Variants in LRRK1 observed in about 807,000 individuals in gnomAD.
LRRK1 encodes leucine-rich repeat serine/threonine-protein kinase 1.
In LRRK1, 113 loss-of-function variants were observed where a neutral mutation model predicts 209.1. The observed-to-expected ratio is 0.54, with a 90% CI of 0.46 to 0.63. The LOEUF (loss-of-function observed/expected upper bound fraction) is 0.63. Ranked by LOEUF, LRRK1 falls within the 30% of genes least tolerant of loss-of-function variation. The pLI, the probability that LRRK1 is intolerant of heterozygous loss-of-function variation, is 0.00. For missense variants in LRRK1, 2,284 were observed against 2,632.2 expected (o/e 0.87, Z 2.89); for synonymous variants, 1,144 against 1,099.7 (o/e 1.04, Z -0.80).
intron 12 of LRRK1, among the ~76,000 whole-genome samples, chr15:101,016,639 G>A (rs2033551585): frequency 6.6e-6 from 1 of 152,254 alleles, no homozygotes; most frequent in Non-Finnish European, 1.5e-5. Context: ...GGGGGACACA[G>A]TTCAATCCAT....
intron 24 of LRRK1, among the ~76,000 whole-genome samples, chr15:101,052,189 T>C (rs2035496913): frequency 6.6e-6 from 1 of 152,098 alleles, no homozygotes; most frequent in Admixed American, 6.5e-5. Context: ...CTGGGAAGAG[T>C]GCTTTGCAAG....
intron 2 of LRRK1, among the ~76,000 whole-genome samples, chr15:100,943,563 T>A (rs759435557): frequency 6.6e-6 from 1 of 152,020 alleles, no homozygotes; most frequent in Non-Finnish European, 1.5e-5. Context: ...AGATAAACTA[T>A]CAGAAACTTA....
intron 6 of LRRK1, among the ~76,000 whole-genome samples, chr15:100,999,490 G>C (rs577719368): frequency 6.6e-6 from 1 of 152,300 alleles, no homozygotes; most frequent in East Asian, 1.9e-4. Flanking sequence ...TCTGAGTTTA[G>C]TTGTAGCTGA....
At chr15:100,973,642 G>A (rs1167988445) in intron 2 of LRRK1, among the ~76,000 whole-genome samples, 162 bp from the exon 3 acceptor site, 1 of 152,180 alleles carries the variant, frequency 6.6e-6, no homozygotes, top group Non-Finnish European at 1.5e-5. Flanking sequence ...GGGTCGCGGG[G>A]CGGCGAGCGC....
At chr15:101,047,659 C>T (rs888082329) in intron 21 of LRRK1, among the ~76,000 whole-genome samples, 1 of 152,208 alleles carries the variant, frequency 6.6e-6, no homozygotes, top group Non-Finnish European at 1.5e-5. Context: ...TCATCCATCA[C>T]ATTAGCAAAA....
intron 26 of LRRK1, among the ~76,000 whole-genome samples, chr15:101,054,136 C>A (rs2035650612): frequency 6.6e-6 from 1 of 152,170 alleles, no homozygotes; most frequent in Non-Finnish European, 1.5e-5. Flanking sequence ...CCACACCCAG[C>A]TAATTTGTTG....
chr15:101,018,134 T>A (rs1335062978), intron 12 of LRRK1, among the ~76,000 whole-genome samples: 2 of 146,552 alleles, frequency 1.4e-5, no homozygotes, highest in African/African-American at 2.5e-5. Flanking sequence ...GCAACACAAA[T>A]TGGCTTAAGT....
chr15:100,926,502 A>C (rs913934679), intron 2 of LRRK1, among the ~76,000 whole-genome samples: 2 of 137,980 alleles, frequency 1.4e-5, no homozygotes, highest in Non-Finnish European at 3.1e-5. Flanking sequence ...GATCTAAAGG[A>C]GTGCTTCTCA....
At chr15:101,062,996 T>C (rs910415490) in intron 31 of LRRK1, among the ~76,000 whole-genome samples, 2 of 152,156 alleles carry the variant, frequency 1.3e-5, no homozygotes, top group African/African-American at 2.4e-5. Context: ...TGAGCAGTCA[T>C]GCGTGTGCCC....
chr15:101,011,190 C>T (rs904834366), intron 9 of LRRK1, among the ~76,000 whole-genome samples: 14 of 151,962 alleles, frequency 9.2e-5, no homozygotes, highest in East Asian at 1.9e-4. Flanking sequence ...GAAATCAGGC[C>T]GGGCGCTATG....
In LRRK1 at chr15:101,077,638, A is replaced by T. The variant is rs776291915; in HGVS notation, c.*8790A>T. The T allele has an allele frequency of 1.3e-5, 2 of 152,122 alleles. No individual in the cohort carries two copies. Among genetic ancestry groups the T allele is most frequent in the Non-Finnish European group, 2.9e-5 (2 of 68,032 alleles). The allele number at this position is 152,122 out of a possible 1,614,324, so 9.4% of individuals were successfully genotyped here. ...GAATGTTTCTTCTAACAACCGCACA[A>T]TATCACCCCTTACCACAAGACCTCC... On this transcript the variant is annotated 3_prime_UTR_variant, in exon 34 of 34. Transcript: ENST00000388948.
At chr15:100,971,238 G>GCATGAGAATCACTTGAACC (rs2030859522) in intron 2 of LRRK1, among the ~76,000 whole-genome samples, 1 of 151,704 alleles carries the variant, frequency 6.6e-6, no homozygotes, top group Non-Finnish European at 1.5e-5. Flanking sequence ...GGAGGTTGAG[G>GCATGAGAATCACTTGAACC]CATGAGAATC....
chr15:100,960,034 T>C (rs1255615046), intron 2 of LRRK1, among the ~76,000 whole-genome samples: 1 of 152,176 alleles, frequency 6.6e-6, no homozygotes, highest in Non-Finnish European at 1.5e-5. Flanking sequence ...GAAAAGCATT[T>C]TTTTTAATAT....
intron 6 of LRRK1, among the ~76,000 whole-genome samples, chr15:100,996,369 G>C (rs1404935052): frequency 6.6e-6 from 1 of 152,240 alleles, no homozygotes; most frequent in Non-Finnish European, 1.5e-5. Context: ...CAGGGCTGGG[G>C]CATGGACCCT....
chr15:101,057,270 G>A lies in LRRK1; in HGVS notation c.4527+220G>A, dbSNP rs569409679. Among the ~76,000 whole-genome samples, 75 of 152,046 alleles carry A rather than the reference G, an allele frequency of 4.9e-4. 1 individual carries two copies. Among genetic ancestry groups the A allele is most frequent in the Non-Finnish European group, 8.8e-4 (60 of 68,024 alleles). On this transcript the variant is annotated intron_variant, in intron 28 of 33. Coordinates refer to ENST00000388948, the MANE Select transcript of LRRK1 (RefSeq NM_024652.6). Reference sequence around the variant, plus strand: ...CGAAACAAACTTCCTTTTCCTCCCCGACTTTTGTGTTACTTCACCGTGCAA... The same window carrying A: ...CGAAACAAACTTCCTTTTCCTCCCCAACTTTTGTGTTACTTCACCGTGCAA...
intron 1 of LRRK1, among the ~76,000 whole-genome samples, chr15:100,921,235 G>T (rs2042016088): frequency 6.6e-6 from 1 of 152,124 alleles, no homozygotes; most frequent in South Asian, 2.1e-4. Context: ...GACTGGATGG[G>T]GAATGGACAA....
chr15:101,025,936 G>T, intron 16 of LRRK1, 29 bp from the exon 17 acceptor site: 1 of 1,612,660 alleles, frequency 6.2e-7, no homozygotes, highest in Non-Finnish European at 8.5e-7. Flanking sequence ...AACAGAGACA[G>T]TACTCAGCCG....
At chr15:101,037,283 C>T (rs970711308) in intron 20 of LRRK1, among the ~76,000 whole-genome samples, 2 of 152,146 alleles carry the variant, frequency 1.3e-5, no homozygotes, top group African/African-American at 4.8e-5. Context: ...CCACGGGTGA[C>T]ATGTGCAAGT....
At chr15:101,008,698 G>T in intron 6 of LRRK1, 139 bp from the exon 7 acceptor site, 1 of 669,630 alleles carries the variant, frequency 1.5e-6, no homozygotes, top group Non-Finnish European at 2.6e-6. Context: ...CGGCCGAGAA[G>T]GACATGTGCA....
Sources: allele counts gnomAD v4.1 joint callset (sites outside exome capture counted in the v4.1 genomes callset), GRCh38; gene constraint gnomAD v4.1.1; transcripts MANE v1.5; gene names NCBI Gene and HGNC (gene_info 2026-07-23, HGNC 2026-07-21).